The following PHF2 variants were observed in gnomAD, a reference collection of about 807,000 sequenced individuals.
PHF2 encodes PHD finger protein 2, also known as lysine-specific demethylase PHF2.
A neutral mutation model predicts 120.5 loss-of-function variants in PHF2; 27 were observed. The ratio of observed to expected loss-of-function variants is 0.22; its 90% CI spans 0.17 to 0.31. PHF2 has a LOEUF of 0.31. Among genes scored for constraint, PHF2 ranks in the 10% least tolerant of loss-of-function variants. The pLI is 1.00. For synonymous variants in PHF2, 568 were observed against 592.5 expected (o/e 0.96, Z 0.60); for missense variants, 1,024 against 1,434.8 (o/e 0.71, Z 4.63).
intron 16 of PHF2, 124 bp downstream of exon 16, chr9:93,666,184 C>G: frequency 1.2e-6 from 1 of 827,390 alleles, no homozygotes; most frequent in African/African-American, 1.7e-5. Context: ...CAAAGGGGCC[C>G]CTTACCCTCA....
chr9:93,578,100 G>A (rs1216274663), intron 1 of PHF2, among the ~76,000 whole-genome samples: 1 of 152,228 alleles, frequency 6.6e-6, no homozygotes, highest in Non-Finnish European at 1.5e-5. Flanking sequence ...AGAGTGGGCT[G>A]TGGCCCCAAG....
intron 1 of PHF2, among the ~76,000 whole-genome samples, chr9:93,624,292 G>A (rs1482245010): frequency 6.6e-6 from 1 of 152,202 alleles, no homozygotes; most frequent in South Asian, 2.1e-4. Context: ...TGGTGAAGGT[G>A]ATGGTGATGA....
At chr9:93,631,589 A>C (rs548498395) in intron 2 of PHF2, among the ~76,000 whole-genome samples, 2 of 152,218 alleles carry the variant, frequency 1.3e-5, no homozygotes, top group East Asian at 3.9e-4. Flanking sequence ...GGGCATCCTC[A>C]TGCTTCTGGC....
At chr9:93,583,066 C>T (rs1034686184) in intron 1 of PHF2, among the ~76,000 whole-genome samples, 1 of 152,224 alleles carries the variant, frequency 6.6e-6, no homozygotes, top group African/African-American at 2.4e-5. Context: ...ACTGCCCTTT[C>T]TTCCTCCCAC....
chr9:93,650,185 C>T (rs548175676), intron 5 of PHF2, among the ~76,000 whole-genome samples: 2 of 152,006 alleles, frequency 1.3e-5, no homozygotes, highest in East Asian at 1.9e-4. Flanking sequence ...ACCTGTGACA[C>T]GTTCACAACA....
chr9:93,618,529 C>T (rs964138815), intron 1 of PHF2, among the ~76,000 whole-genome samples: 12 of 152,238 alleles, frequency 7.9e-5, no homozygotes, highest in Non-Finnish European at 1.5e-4. Flanking sequence ...CATAGAAACA[C>T]ATGCACATAC....
intron 1 of PHF2, among the ~76,000 whole-genome samples, chr9:93,604,251 C>T (rs547192956): frequency 3.3e-5 from 5 of 151,426 alleles, no homozygotes; most frequent in African/African-American, 9.7e-5. Context: ...AGTTGGCTCT[C>T]GACTCCTGGG....
chr9:93,637,992 C>G (rs79391190), intron 3 of PHF2, among the ~76,000 whole-genome samples: 9,203 of 152,248 alleles, frequency 0.06, 388 homozygotes, highest in Non-Finnish European at 0.088. Flanking sequence ...TGGGTATGAA[C>G]TGGTATCTTA....
chr9:93,635,137 A>G (rs1238550587), intron 2 of PHF2, among the ~76,000 whole-genome samples: 1 of 152,138 alleles, frequency 6.6e-6, no homozygotes, highest in Non-Finnish European at 1.5e-5. Context: ...GGATTTTGCC[A>G]AGTTTCCATA....
intron 17 of PHF2, chr9:93,672,498 A>T (rs1229230432): frequency 2.1e-6 from 2 of 975,214 alleles, no homozygotes; most frequent in Middle Eastern, 5.4e-4. Context: ...ACAGGTGTAC[A>T]TGCAGGTATG....
chr9:93,595,120 A>G (rs1386406019), intron 1 of PHF2, among the ~76,000 whole-genome samples: 4 of 152,228 alleles, frequency 2.6e-5, no homozygotes, highest in Non-Finnish European at 5.9e-5. Flanking sequence ...TTAAAGGGGT[A>G]CTTACAGATG....
intron 1 of PHF2, among the ~76,000 whole-genome samples, chr9:93,627,415 A>G (rs1454571303): frequency 6.7e-6 from 1 of 150,174 alleles, no homozygotes; most frequent in African/African-American, 2.5e-5. Context: ...AGAGTTTTCT[A>G]TATGTAGGAT....
At position 93,655,824 on chromosome 9, in the gene PHF2, C is replaced by T. The variant is rs994152330; in HGVS notation, c.953-110C>T. The T allele has an allele frequency of 1.9e-5, 14 of 733,706 alleles. No homozygotes were observed. The African/African-American group carries it at 2.5e-4, about 13-fold the overall frequency. The allele number at this position is 733,706 out of a possible 1,614,324, so 45.4% of individuals were successfully genotyped here. On this transcript the variant is annotated intron_variant, in intron 7 of 21. Transcript: ENST00000359246. ...AGGCGGGCAGGAGCTGGAGCCTGGG[C>T]TGGGCCGGGAAAGGCCTGTGCTGGT...
At chr9:93,618,871 CTCTGTGTT>C (rs1564383359) in intron 1 of PHF2, among the ~76,000 whole-genome samples, 137 of 2,116 alleles carry the variant, frequency 0.065, no homozygotes, top group Non-Finnish European at 0.1. Context: ...GTTCGTGTGT[CTCTGTGTT>C]TGCATATGTT....
chr9:93,590,849 C>T (rs1825205904), intron 1 of PHF2, among the ~76,000 whole-genome samples: 1 of 152,232 alleles, frequency 6.6e-6, no homozygotes, highest in Non-Finnish European at 1.5e-5. Context: ...TTCTGACTCC[C>T]CTTTGTCCTA....
At chr9:93,635,489 C>T (rs916599658) in intron 2 of PHF2, among the ~76,000 whole-genome samples, 3 of 152,204 alleles carry the variant, frequency 2.0e-5, no homozygotes, top group African/African-American at 4.8e-5. Flanking sequence ...AAGCAGCCCC[C>T]GAGGAGGGCA....
intron 14 of PHF2, among the ~76,000 whole-genome samples, chr9:93,665,151 T>C (rs1826651676): frequency 6.6e-6 from 1 of 152,246 alleles, no homozygotes. Flanking sequence ...ACATCTATCC[T>C]GTAGCCCTGG....
Position 93,631,542 on chromosome 9 carries a change from C to G in PHF2, c.184+1487C>G, listed in dbSNP as rs139264643. Among the ~76,000 whole-genome samples the G allele has an allele frequency of 1.2e-4, 18 of 152,306 alleles. 1 individual carries two copies. In the East Asian group the frequency reaches 3.5e-3, roughly 29 times the overall value. ...ATTAACCTATCATCTGGTTATTGCT[C>G]AAAAACAGATAAAGGGTAGGAAGGT... is the stretch of plus-strand genomic sequence containing the variant. On this transcript the variant is annotated intron_variant, in intron 2 of 21. Transcript: ENST00000359246.
chr9:93,611,275 C>T lies in PHF2; in HGVS notation c.99-18695C>T, dbSNP rs1161012488. Among the ~76,000 whole-genome samples, 7 of 151,990 alleles carry T rather than the reference C, an allele frequency of 4.6e-5. No individual in the cohort carries two copies. The East Asian group carries it at 5.8e-4, about 13-fold the overall frequency. Reference sequence around the variant, plus strand: ...TACTAAAAATACAAAACTAGACAGGCGTGGTGGTGTGTGCCTGTAATCCCA... The same window carrying T: ...TACTAAAAATACAAAACTAGACAGGTGTGGTGGTGTGTGCCTGTAATCCCA... On this transcript the variant is annotated intron_variant, in intron 1 of 21. Transcript: ENST00000359246.
Sources: allele counts gnomAD v4.1 joint callset (sites outside exome capture counted in the v4.1 genomes callset), GRCh38; gene constraint gnomAD v4.1.1; transcripts MANE v1.5; gene names NCBI Gene and HGNC (gene_info 2026-07-23, HGNC 2026-07-21).